CPS1: variants seen among roughly 807,000 people sequenced by gnomAD.
CPS1 encodes the protein carbamoyl-phosphate synthase [ammonia], mitochondrial.
Under a neutral mutation model 174.6 loss-of-function variants are expected in CPS1, and 109 were observed. The ratio of observed to expected loss-of-function variants is 0.62; its 90% CI spans 0.53 to 0.73. The LOEUF is 0.73. CPS1 is among the 30% of genes least tolerant of loss of function. The pLI is 0.00. For missense variants in CPS1, 1,689 were observed against 1,821.9 expected, an observed-to-expected ratio of 0.93 and a Z score of 1.33; for synonymous variants, 637 against 632.0, an observed-to-expected ratio of 1.01 and a Z score of -0.12.
intron 1 of CPS1, among the ~76,000 whole-genome samples, chr2:210,547,757 A>AC (rs1696601815): frequency 6.6e-6 from 1 of 152,024 alleles, no homozygotes; most frequent in Non-Finnish European, 1.5e-5. Context: ...CATTTATTTA[A>AC]AGGTTTATTA....
Position 210,579,756 on chromosome 2 carries a change from A to G in CPS1, c.514A>G (p.Ile172Val), listed in dbSNP as rs1559086420. ...AGTGGACACAAGAATGCTGACTAAA[A>G]TAATTCGGGATAAGGTATAATCATC... is the stretch of plus-strand genomic sequence containing the variant. Reference protein sequence around the residue: ...YGVDTRMLTKIIRDKGTMLGK... With the variant: ...YGVDTRMLTKVIRDKGTMLGK... The change falls in exon 5 of 38, where the codon ATA (isoleucine) becomes GTA (valine). Residue 172 changes from isoleucine to valine, a missense_variant. Coordinates refer to ENST00000233072, the MANE Select transcript of CPS1 (RefSeq NM_001875.5). 1 of 1,612,704 alleles carries G rather than the reference A, an allele frequency of 6.2e-7. No individual in the cohort carries two copies. The highest frequency in any genetic ancestry group is 1.7e-5 in the Admixed American group (1 of 59,962).
intron 34 of CPS1, among the ~76,000 whole-genome samples, chr2:210,670,472 C>A (rs952035586): frequency 7.1e-6 from 1 of 140,986 alleles, no homozygotes; most frequent in African/African-American, 2.5e-5. Context: ...CTTTTTACCA[C>A]AGCTTCATAG....
At chr2:210,523,872 A>G (rs933458844) in intron 1 of CPS1, among the ~76,000 whole-genome samples, 105 of 151,976 alleles carry the variant, frequency 6.9e-4, no homozygotes, top group African/African-American at 2.5e-3. Context: ...GCTCTTTACT[A>G]GAGGCAGTGG....
intron 33 of CPS1, 74 bp from the exon 34 acceptor site, chr2:210,668,112 A>AT: frequency 1.1e-6 from 1 of 888,904 alleles, no homozygotes; most frequent in Middle Eastern, 3.0e-4. Flanking sequence ...GTGTATTTTA[A>AT]TTTTAATTTT....
chr2:210,563,620 G>T (rs565097635), intron 1 of CPS1, among the ~76,000 whole-genome samples: 1 of 152,280 alleles, frequency 6.6e-6, no homozygotes, highest in African/African-American at 2.4e-5. Context: ...AAGGATCGAT[G>T]TCCTTAGAAT....
At position 210,650,453 on chromosome 2, in the gene CPS1, C is replaced by A. The variant is rs757465180; in HGVS notation, c.3480+15C>A. On this transcript the variant is annotated intron_variant, in intron 28 of 37. Transcript: ENST00000233072. ...GAGTTTCTCAGGTAGTGTCCAATTT[C>A]TTTGTAGTGACTGTTATCTCTTAAT... 7.0e-6 allele frequency: 11 copies of A among 1,560,298 alleles called. No homozygotes were observed. The East Asian group carries it at 1.8e-4, about 25-fold the overall frequency.
At chr2:210,547,520 A>G (rs992448087) in intron 1 of CPS1, among the ~76,000 whole-genome samples, 1 of 152,066 alleles carries the variant, frequency 6.6e-6, no homozygotes, top group African/African-American at 2.4e-5. Context: ...AAAATGAACA[A>G]AAATGAAAGA....
rs1012023747 is a variant in CPS1 at position 210,665,229 on chromosome 2, C to T, written c.4002+2032C>T. Among the ~76,000 whole-genome samples, 4 of 152,132 alleles carry T rather than the reference C, an allele frequency of 2.6e-5. No individual in the cohort carries two copies. The South Asian group carries it at 8.3e-4, about 32-fold the overall frequency. On this transcript the variant is annotated intron_variant, in intron 33 of 37. Transcript: ENST00000233072. ...AGCAACCACATGTACTGGTGACCAGCTGAAGGTTATAGTCATAAGAACTTT... is the reference window on the plus strand; with the variant it reads ...AGCAACCACATGTACTGGTGACCAGTTGAAGGTTATAGTCATAAGAACTTT...
At chr2:210,496,089 A>G (rs1392237553) in intron 1 of CPS1, among the ~76,000 whole-genome samples, 1 of 152,144 alleles carries the variant, frequency 6.6e-6, no homozygotes, top group Non-Finnish European at 1.5e-5. Context: ...TTTTGCCAAC[A>G]TGCCCTGTAG....
At chr2:210,606,476 A>G (rs928641257) in intron 17 of CPS1, among the ~76,000 whole-genome samples, 6 of 151,930 alleles carry the variant, frequency 3.9e-5, no homozygotes, top group African/African-American at 1.4e-4. Context: ...AAGTCAATCT[A>G]GTAAGTAGAC....
At chr2:210,637,203 G>A (rs540010088) in intron 21 of CPS1, among the ~76,000 whole-genome samples, 4 of 152,268 alleles carry the variant, frequency 2.6e-5, no homozygotes, top group Admixed American at 6.5e-5. Context: ...GGGTAGAGCC[G>A]TGGGTAGGGG....
intron 21 of CPS1, among the ~76,000 whole-genome samples, chr2:210,633,890 G>A (rs1171319505): frequency 6.6e-6 from 1 of 152,218 alleles, no homozygotes; most frequent in Admixed American, 6.5e-5. Flanking sequence ...AATTATAGAT[G>A]TGATGGTTCT....
chr2:210,546,263 G>T (rs1696562474), intron 1 of CPS1, among the ~76,000 whole-genome samples: 1 of 152,046 alleles, frequency 6.6e-6, no homozygotes, highest in Admixed American at 6.6e-5. Context: ...GAGAGGTCAT[G>T]GTTGTTACTC....
At chr2:210,577,550 G>T (rs907265631) in intron 4 of CPS1, 40 bp downstream of exon 4, 10 of 1,423,870 alleles carry the variant, frequency 7.0e-6, no homozygotes, top group Non-Finnish European at 9.9e-6. Context: ...ACCTAAGGAA[G>T]GTTGAGAAGG....
Position 210,678,143 on chromosome 2 carries a change from T to G in CPS1, c.*158T>G. The G allele has an allele frequency of 1.4e-6, 1 of 724,596 alleles. No homozygotes were observed. The highest frequency in any genetic ancestry group is 1.5e-5 in the South Asian group (1 of 67,648). 44.9% of individuals were successfully genotyped at this position (724,596 alleles called of 1,614,324 possible). On this transcript the variant is annotated 3_prime_UTR_variant, in exon 38 of 38. Coordinates refer to ENST00000233072, the MANE Select transcript of CPS1 (RefSeq NM_001875.5). ...TATTCTGTGTCTTTTGCAATTAAAT[T>G]GTCAGTCACTTCTTCAAAACCTTAC...
intron 1 of CPS1, among the ~76,000 whole-genome samples, chr2:210,531,928 A>T (rs917780966): frequency 6.6e-6 from 1 of 152,116 alleles, no homozygotes; most frequent in Non-Finnish European, 1.5e-5. Flanking sequence ...GTATACTTCC[A>T]TGTTAAGTTA....
In CPS1 at chr2:210,560,252, G is replaced by A. The variant is rs946619434; in HGVS notation, c.126+3393G>A. ...CATTCATTTATTCTTTAATAAACAC[G>A]GAACCTCTACCATGGGAGTATACAG... On this transcript the variant is annotated intron_variant, in intron 1 of 37. Transcript: ENST00000233072. 2.4e-4 allele frequency among the ~76,000 whole-genome samples: 37 copies of A among 151,690 alleles called. 1 individual carries two copies. Among genetic ancestry groups the A allele is most frequent in the Non-Finnish European group, 4.9e-4 (33 of 67,888 alleles).
At chr2:210,668,161 T>C in intron 33 of CPS1, 25 bp from the exon 34 acceptor site, 1 of 1,572,016 alleles carries the variant, frequency 6.4e-7, no homozygotes, top group Non-Finnish European at 8.7e-7. Context: ...TCCTCTATTT[T>C]AATTTTTTAT....
chr2:210,534,781 C>G (rs1297033860), intron 1 of CPS1, among the ~76,000 whole-genome samples: 2 of 152,202 alleles, frequency 1.3e-5, no homozygotes, highest in Non-Finnish European at 2.9e-5. Context: ...ACAGTTTATT[C>G]AGTCAAATTC....
Sources: allele counts gnomAD v4.1 joint callset (sites outside exome capture counted in the v4.1 genomes callset), GRCh38; gene constraint gnomAD v4.1.1; transcripts MANE v1.5; gene names NCBI Gene and HGNC (gene_info 2026-07-23, HGNC 2026-07-21).